Variants in TRERF1 observed in about 807,000 individuals in gnomAD.
TRERF1 encodes transcriptional regulating factor 1.
In TRERF1, 27 loss-of-function variants were observed where a neutral mutation model predicts 122.9. The observed-to-expected ratio is 0.22, with a 90% CI of 0.16 to 0.30. TRERF1 has a LOEUF of 0.30. TRERF1 is among the 10% of genes least tolerant of loss of function. The pLI is 1.00. For missense variants in TRERF1, 1,248 were observed against 1,560.3 expected, an observed-to-expected ratio of 0.80 and a Z score of 3.37; for synonymous variants, 636 against 641.7, an observed-to-expected ratio of 0.99 and a Z score of 0.13.
intron 3 of TRERF1, among the ~76,000 whole-genome samples, chr6:42,324,935 C>A (rs1333920204): frequency 6.6e-6 from 1 of 152,024 alleles, no homozygotes; most frequent in Non-Finnish European, 1.5e-5. Context: ...TTCTGCACAA[C>A]AAAAGAAACT....
rs528339421 is a variant in TRERF1 at position 42,295,869 on chromosome 6, C to T, written c.-259+4769G>A. ...CAGGCTTTGAAAAAAAGACTTGTTG[C>T]CTGATAGATATCAAATCAGGAAACG... On this transcript the variant is annotated intron_variant, in intron 4 of 17. Transcript: ENST00000372922. Among the ~76,000 whole-genome samples the T allele has an allele frequency of 1.9e-4, 29 of 152,186 alleles. No homozygotes were observed. In the East Asian group the frequency reaches 5.0e-3, roughly 26 times the overall value.
chr6:42,447,111 A>G (rs1787660777), intron 2 of TRERF1, among the ~76,000 whole-genome samples: 1 of 152,190 alleles, frequency 6.6e-6, no homozygotes, highest in South Asian at 2.1e-4. Context: ...CAAACATATA[A>G]AAAGAAATGT....
chr6:42,379,354 C>G (rs949643817), intron 2 of TRERF1, among the ~76,000 whole-genome samples: 1 of 152,076 alleles, frequency 6.6e-6, no homozygotes. Context: ...CACCCCAGCC[C>G]ACTGTGTCCT....
intron 3 of TRERF1, among the ~76,000 whole-genome samples, chr6:42,345,450 C>T (rs535858733): frequency 7.9e-5 from 12 of 152,276 alleles, no homozygotes; most frequent in South Asian, 2.1e-4. Flanking sequence ...ACTCACAGAC[C>T]GGCAATGCTG....
intron 8 of TRERF1, among the ~76,000 whole-genome samples, chr6:42,262,444 G>C (rs71544452): frequency 0.036 from 1,278 of 35,562 alleles, 166 homozygotes; most frequent in South Asian, 0.086. Flanking sequence ...CAGAGAGAGA[G>C]AGAGAGAGAG....
chr6:42,287,687 C>T (rs947786646), intron 4 of TRERF1, among the ~76,000 whole-genome samples: 7 of 152,192 alleles, frequency 4.6e-5, no homozygotes, highest in African/African-American at 1.7e-4. Context: ...CCACCACCTC[C>T]CCATTCCCAC....
At chr6:42,368,960 G>A (rs1773270970) in intron 2 of TRERF1, among the ~76,000 whole-genome samples, 1 of 152,118 alleles carries the variant, frequency 6.6e-6, no homozygotes. Context: ...GAGCAATTAA[G>A]ATGACCCGAA....
intron 4 of TRERF1, among the ~76,000 whole-genome samples, chr6:42,295,536 G>A (rs1224548714): frequency 6.6e-6 from 1 of 152,182 alleles, no homozygotes; most frequent in Non-Finnish European, 1.5e-5. Flanking sequence ...CACCCAGGAT[G>A]CATGAGGCTC....
At chr6:42,258,601 G>A (rs1777192160) in intron 9 of TRERF1, among the ~76,000 whole-genome samples, 1 of 152,224 alleles carries the variant, frequency 6.6e-6, no homozygotes, top group African/African-American at 2.4e-5. Context: ...TTGAGACGGA[G>A]TCTCGCTCCT....
Position 42,263,147 on chromosome 6 carries a change from G to T in TRERF1, c.1884+173C>A. 1 of 1,374,106 alleles carries T rather than the reference G, an allele frequency of 7.3e-7. No individual in the cohort carries two copies. Among genetic ancestry groups the T allele is most frequent in the South Asian group, 1.9e-5 (1 of 52,542 alleles). 85.1% of individuals were successfully genotyped at this position (1,374,106 alleles called of 1,614,324 possible). Reference sequence around the variant, plus strand: ...CCAATGTGGCCACGGGTTCAGCCCTGAGAGACCAAGCCGTATCCAAGCTCA... The same window carrying T: ...CCAATGTGGCCACGGGTTCAGCCCTTAGAGACCAAGCCGTATCCAAGCTCA... On this transcript the variant is annotated intron_variant, in intron 8 of 17. Transcript: ENST00000372922. The surrounding 1 kb of genome is among the most constrained non-coding windows in gnomAD (Gnocchi z 5.6).
intron 2 of TRERF1, among the ~76,000 whole-genome samples, chr6:42,389,537 C>T (rs1437618456): frequency 6.6e-6 from 1 of 152,196 alleles, no homozygotes; most frequent in Non-Finnish European, 1.5e-5. Context: ...GACCAGTGAC[C>T]CAGCACGGAG....
At position 42,275,948 on chromosome 6, in the gene TRERF1, C is replaced by T. The variant is rs565341481; in HGVS notation, c.-258-6100G>A. ...GTTCCAATACAACTTTATTTATGGA[C>T]GCTGAAACTTGAATTTTACATAATT... On this transcript the variant is annotated intron_variant, in intron 4 of 17. Coordinates refer to ENST00000372922, the Ensembl canonical transcript of TRERF1. The surrounding 1 kb of genome is among the most constrained non-coding windows in gnomAD (Gnocchi z 4.1). 1.2e-4 allele frequency among the ~76,000 whole-genome samples: 19 copies of T among 152,338 alleles called. No homozygotes were observed. Among genetic ancestry groups the T allele is most frequent in the Middle Eastern group, 3.4e-3 (1 of 294 alleles).
chr6:42,272,301 T>A (rs1285081244), intron 4 of TRERF1, among the ~76,000 whole-genome samples: 1 of 152,078 alleles, frequency 6.6e-6, no homozygotes, highest in African/African-American at 2.4e-5. Flanking sequence ...GATGGAAAAC[T>A]TCAGATGAGG....
At chr6:42,411,998 T>TC (rs1288488672) in intron 2 of TRERF1, among the ~76,000 whole-genome samples, 2 of 102,312 alleles carry the variant, frequency 2.0e-5, no homozygotes, top group African/African-American at 7.0e-5. Context: ...TTTTAAAAAA[T>TC]CCTTTTTTTT....
intron 3 of TRERF1, among the ~76,000 whole-genome samples, chr6:42,360,406 G>A (rs568860886): frequency 1.1e-4 from 16 of 152,296 alleles, no homozygotes; most frequent in Admixed American, 9.1e-4. Context: ...AAGGTCGTAC[G>A]TTTTAAGACA....
At chr6:42,414,362 G>A (rs1250869803) in intron 2 of TRERF1, among the ~76,000 whole-genome samples, 1 of 152,110 alleles carries the variant, frequency 6.6e-6, no homozygotes, top group African/African-American at 2.4e-5. Context: ...TACAAGCCTG[G>A]TTCACAGCTT....
chr6:42,429,416 C>A (rs973681186), intron 2 of TRERF1, among the ~76,000 whole-genome samples: 3 of 152,124 alleles, frequency 2.0e-5, no homozygotes, highest in Non-Finnish European at 4.4e-5. Flanking sequence ...GAGAAAACCA[C>A]GGAGGGGGGG....
chr6:42,387,820 T>C (rs919403374), intron 2 of TRERF1, among the ~76,000 whole-genome samples: 1 of 152,118 alleles, frequency 6.6e-6, no homozygotes, highest in African/African-American at 2.4e-5. Flanking sequence ...TTTTATTTTA[T>C]TTTTTGAGAC....
At chr6:42,298,289 G>C (rs147428561) in intron 4 of TRERF1, among the ~76,000 whole-genome samples, 2,057 of 151,844 alleles carry the variant, frequency 0.014, 23 homozygotes, top group Non-Finnish European at 0.021. Flanking sequence ...CAGAGTAGCT[G>C]GGATTATAGG....
Sources: allele counts gnomAD v4.1 joint callset (sites outside exome capture counted in the v4.1 genomes callset), GRCh38; gene constraint gnomAD v4.1.1; non-coding constraint Gnocchi (gnomAD v3.1); transcripts MANE v1.5; gene names NCBI Gene and HGNC (gene_info 2026-07-23, HGNC 2026-07-21).